The following GRK5 variants were observed in gnomAD, a reference collection of about 807,000 sequenced individuals.
GRK5 encodes the protein G protein-coupled receptor kinase 5.
GRK5 carries 40 observed loss-of-function variants against 78.4 expected under a neutral mutation model. The ratio of observed to expected loss-of-function variants is 0.51; its 90% CI spans 0.40 to 0.66. The LOEUF is 0.66. Among genes scored for constraint, GRK5 ranks in the 30% least tolerant of loss-of-function variants. The pLI is 0.00. For missense variants in GRK5, 598 were observed against 759.9 expected (o/e 0.79, Z 2.50); for synonymous variants, 289 against 296.8 (o/e 0.97, Z 0.27).
intron 1 of GRK5, among the ~76,000 whole-genome samples, chr10:119,280,135 T>C: frequency 6.6e-6 from 1 of 152,118 alleles, no homozygotes; most frequent in East Asian, 1.9e-4. Flanking sequence ...CTTAGTACCC[T>C]TATCTCTGGA....
At chr10:119,365,662 C>T (rs12571031) in intron 2 of GRK5, among the ~76,000 whole-genome samples, 3,290 of 152,242 alleles carry the variant, frequency 0.022, 138 homozygotes, top group East Asian at 0.13. Context: ...AAGACAAAAG[C>T]CTTCCCCTAC....
chr10:119,452,497 C>G lies in GRK5; in HGVS notation c.1405-174C>G. The G allele has an allele frequency of 1.5e-6, 1 of 662,126 alleles. No homozygotes were observed. Among genetic ancestry groups the G allele is most frequent in the South Asian group, 2.2e-5 (1 of 46,452 alleles). 41.0% of individuals were successfully genotyped at this position (662,126 alleles called of 1,614,324 possible). A position where few individuals can be genotyped will look rare whatever the true frequency, so the allele number is the denominator to read the frequency against. The stretch of plus-strand genomic sequence containing the variant: ...CCAGCCAAGCCACTGGGGCCGACCC[C>G]TCCCCTGGACTCACCTGCATCTGAG... On this transcript the variant is annotated intron_variant, in intron 13 of 15. Transcript: ENST00000392870. This position sits in a 1 kb window ranked among gnomAD's most constrained non-coding sequence, Gnocchi z 4.4.
At chr10:119,332,595 A>G (rs576197136) in intron 2 of GRK5, among the ~76,000 whole-genome samples, 1 of 152,324 alleles carries the variant, frequency 6.6e-6, no homozygotes, top group African/African-American at 2.4e-5. Context: ...GTGAAAAGAA[A>G]GATGACATTT....
intron 2 of GRK5, among the ~76,000 whole-genome samples, chr10:119,345,114 G>T (rs1425962970): frequency 6.6e-6 from 1 of 151,936 alleles, no homozygotes; most frequent in African/African-American, 2.4e-5. Flanking sequence ...GACTACAGGC[G>T]CCCACAACCA....
chr10:119,431,627 C>A lies in GRK5; in HGVS notation c.738+100C>A. 1.4e-6 allele frequency: 2 copies of A among 1,399,630 alleles called. No individual in the cohort carries two copies. The highest frequency in any genetic ancestry group is 1.9e-6 in the Non-Finnish European group (2 of 1,037,028). 86.7% of individuals were successfully genotyped at this position (1,399,630 alleles called of 1,614,324 possible). On this transcript the variant is annotated intron_variant, in intron 8 of 15. Transcript: ENST00000392870. The surrounding 1 kb of genome is among the most constrained non-coding windows in gnomAD (Gnocchi z 4.8). ...GGTCCTCTAATGCGGCCGGTCCCCACCCCTGGGAAGGGGAATGCCAGTGGC... is the reference window on the plus strand; with the variant it reads ...GGTCCTCTAATGCGGCCGGTCCCCAACCCTGGGAAGGGGAATGCCAGTGGC...
intron 1 of GRK5, among the ~76,000 whole-genome samples, chr10:119,278,453 A>G (rs774598606): frequency 2.6e-5 from 4 of 152,198 alleles, no homozygotes; most frequent in Middle Eastern, 3.4e-3. Flanking sequence ...TGTGTCCCAC[A>G]GGGAGGTCTT....
intron 3 of GRK5, among the ~76,000 whole-genome samples, chr10:119,389,233 A>G (rs1470681333): frequency 1.3e-5 from 2 of 152,258 alleles, no homozygotes; most frequent in Non-Finnish European, 2.9e-5. Context: ...TTAGTGGGCT[A>G]TCACCTGGCT....
chr10:119,413,908 G>T (rs1325190343), intron 4 of GRK5, among the ~76,000 whole-genome samples: 1 of 152,174 alleles, frequency 6.6e-6, no homozygotes, highest in African/African-American at 2.4e-5. Flanking sequence ...CCCCGCCCAG[G>T]CCAGGCTTCC....
chr10:119,402,803 A>T (rs1002862362), intron 4 of GRK5, among the ~76,000 whole-genome samples: 6 of 152,208 alleles, frequency 3.9e-5, no homozygotes, highest in African/African-American at 1.4e-4. Flanking sequence ...GCAGTGAGCC[A>T]AGGTCGTGCC....
intron 1 of GRK5, among the ~76,000 whole-genome samples, chr10:119,310,313 C>T (rs1041223801): frequency 6.6e-6 from 1 of 152,194 alleles, no homozygotes; most frequent in Non-Finnish European, 1.5e-5. Flanking sequence ...GGCTGACCTA[C>T]GACTGCCAGG....
Position 119,458,478 on chromosome 10 carries a change from G to A in GRK5, c.*3411G>A, listed in dbSNP as rs1048258324. The A allele has an allele frequency of 6.6e-6, 1 of 152,272 alleles. No homozygotes were observed. The allele number at this position is 152,272 out of a possible 1,614,324, so 9.4% of individuals were successfully genotyped here. ...GCTCGCTGCTGCTGTGGCCTGCGCAGCCACGGGAGGCTTCCTGAAAGGCAT... is the reference window on the plus strand; with the variant it reads ...GCTCGCTGCTGCTGTGGCCTGCGCAACCACGGGAGGCTTCCTGAAAGGCAT... On this transcript the variant is annotated 3_prime_UTR_variant, in exon 16 of 16. Coordinates refer to ENST00000392870, the MANE Select transcript of GRK5 (RefSeq NM_005308.3).
intron 1 of GRK5, among the ~76,000 whole-genome samples, chr10:119,252,478 G>C (rs1849219814): frequency 6.6e-6 from 1 of 152,188 alleles, no homozygotes; most frequent in Admixed American, 6.5e-5. Flanking sequence ...GCTGGGTGCA[G>C]AGGGCTACGC....
chr10:119,370,386 C>G (rs945195076), intron 2 of GRK5, among the ~76,000 whole-genome samples: 2 of 152,192 alleles, frequency 1.3e-5, no homozygotes, highest in Non-Finnish European at 2.9e-5. Context: ...AAGCACAAGA[C>G]ATTCCGTAAA....
At chr10:119,305,916 G>T (rs1850265572) in intron 1 of GRK5, among the ~76,000 whole-genome samples, 1 of 152,166 alleles carries the variant, frequency 6.6e-6, no homozygotes, top group South Asian at 2.1e-4. Flanking sequence ...AGGCCCTGAG[G>T]CAGAAAATAA....
At chr10:119,317,678 C>G (rs1850515716) in intron 1 of GRK5, among the ~76,000 whole-genome samples, 1 of 152,094 alleles carries the variant, frequency 6.6e-6, no homozygotes, top group South Asian at 2.1e-4. Context: ...ACGCAGCGAC[C>G]TTGTCAGAGT....
chr10:119,237,322 C>T (rs1589694637), intron 1 of GRK5, among the ~76,000 whole-genome samples: 1 of 152,210 alleles, frequency 6.6e-6, no homozygotes, highest in Non-Finnish European at 1.5e-5. Flanking sequence ...GTTGGCCTCC[C>T]AGAGTGCTGG....
intron 2 of GRK5, among the ~76,000 whole-genome samples, chr10:119,349,278 C>G (rs1223776616): frequency 6.6e-6 from 1 of 152,162 alleles, no homozygotes; most frequent in Non-Finnish European, 1.5e-5. Flanking sequence ...CACAAAAAAG[C>G]AGAGAGGGAG....
Position 119,208,035 on chromosome 10 carries a change from C to T in GRK5, c.52+66C>T, listed in dbSNP as rs895696766. 44 of 1,499,814 alleles carry T rather than the reference C, an allele frequency of 2.9e-5. 1 individual carries two copies. In the South Asian group the frequency reaches 4.8e-4, roughly 16 times the overall value. 92.9% of individuals were successfully genotyped at this position (1,499,814 alleles called of 1,614,324 possible). A position where few individuals can be genotyped will look rare whatever the true frequency, so the allele number is the denominator to read the frequency against. Reference sequence around the variant, plus strand: ...GGGCCAGGGTGCGGGTGTCGGGTGGCGTGCGGGCTGGGGCTGCGCCCGTGC... The same window carrying T: ...GGGCCAGGGTGCGGGTGTCGGGTGGTGTGCGGGCTGGGGCTGCGCCCGTGC... On this transcript the variant is annotated intron_variant, in intron 1 of 15. Transcript: ENST00000392870.
At chr10:119,365,242 T>A (rs1401748763) in intron 2 of GRK5, among the ~76,000 whole-genome samples, 1 of 152,246 alleles carries the variant, frequency 6.6e-6, no homozygotes. Flanking sequence ...TTAAAATAAG[T>A]GGTATTTGGC....
Sources: allele counts gnomAD v4.1 joint callset (sites outside exome capture counted in the v4.1 genomes callset), GRCh38; gene constraint gnomAD v4.1.1; non-coding constraint Gnocchi (gnomAD v3.1); transcripts MANE v1.5; gene names NCBI Gene and HGNC (gene_info 2026-07-23, HGNC 2026-07-21).